Variants in CHLSN observed in about 807,000 individuals in gnomAD.
CHLSN encodes protein cholesin.
the CHLSN span, among the ~76,000 whole-genome samples, chr7:1,069,055 G>A: frequency 3.3e-5 from 5 of 152,152 alleles, no homozygotes; most frequent in East Asian, 1.9e-4. Flanking sequence ...CGTTTAGGCC[G>A]GGCGCGGTGG....
At chr7:1,112,716 A>G in the CHLSN span, among the ~76,000 whole-genome samples, 1 of 151,962 alleles carries the variant, frequency 6.6e-6, no homozygotes, top group Non-Finnish European at 1.5e-5. Flanking sequence ...AAAAAAAAAA[A>G]AAAAAAAGAA....
chr7:996,107 G>C, the CHLSN span, among the ~76,000 whole-genome samples: 5 of 152,358 alleles, frequency 3.3e-5, no homozygotes, highest in South Asian at 1.0e-3. Flanking sequence ...AGACGTCCGT[G>C]GGTCACAGTG....
chr7:1,134,322 C>T, the CHLSN span, among the ~76,000 whole-genome samples: 1 of 152,052 alleles, frequency 6.6e-6, no homozygotes, highest in Non-Finnish European at 1.5e-5. Context: ...ACCTGTAATA[C>T]CAGCACTTTG....
chr7:1,092,296 C>T, the CHLSN span: 2 of 1,611,910 alleles, frequency 1.2e-6, no homozygotes, highest in East Asian at 2.2e-5. Context: ...GTCAGCCACG[C>T]TGGTGCCCTT....
At chr7:1,098,321 C>T in the CHLSN span, among the ~76,000 whole-genome samples, 1 of 152,344 alleles carries the variant, frequency 6.6e-6, no homozygotes, top group South Asian at 2.1e-4. Flanking sequence ...AGCATTTGTT[C>T]GTGAATGTCC....
chr7:1,016,791 A>AGCAGCAC, the CHLSN span, among the ~76,000 whole-genome samples: 1 of 70,536 alleles, frequency 1.4e-5, no homozygotes, highest in Admixed American at 1.4e-4. Context: ...CACAGCACAC[A>AGCAGCAC]GCAGCACACA....
chr7:1,135,488 C>T, the CHLSN span, among the ~76,000 whole-genome samples: 73 of 151,810 alleles, frequency 4.8e-4, no homozygotes, highest in Middle Eastern at 3.4e-3. Context: ...TGTGTATGGC[C>T]GGGCACGGTG....
chr7:1,070,639 G>A, the CHLSN span, among the ~76,000 whole-genome samples: 1 of 139,544 alleles, frequency 7.2e-6, no homozygotes, highest in Non-Finnish European at 1.5e-5. Context: ...ACACGCACAC[G>A]GACACACATG....
chr7:1,018,389 C>T, the CHLSN span, among the ~76,000 whole-genome samples: 3 of 152,238 alleles, frequency 2.0e-5, no homozygotes, highest in Non-Finnish European at 4.4e-5. Context: ...TCAAAGTCCG[C>T]CTGGCTCCGG....
At chr7:1,057,598 T>G in the CHLSN span, 1 of 770,848 alleles carries the variant, frequency 1.3e-6, no homozygotes, top group Admixed American at 1.7e-5. Flanking sequence ...GGGCTGTCAC[T>G]GTTGTCGCTG....
chr7:993,755 C>G, the CHLSN span, among the ~76,000 whole-genome samples: 12 of 152,102 alleles, frequency 7.9e-5, no homozygotes, highest in Admixed American at 5.2e-4. Context: ...CCAGCCTGGA[C>G]GACAGAGCGG....
the CHLSN span, among the ~76,000 whole-genome samples, chr7:1,052,874 C>T: frequency 2.0e-5 from 3 of 152,232 alleles, no homozygotes; most frequent in East Asian, 5.8e-4. The surrounding 1 kb of genome is among the most constrained non-coding windows in gnomAD (Gnocchi z 4.2). Context: ...CTGAGGGAGC[C>T]TCCAGAATCT....
chr7:1,071,166 G>T, the CHLSN span, among the ~76,000 whole-genome samples: 1 of 152,230 alleles, frequency 6.6e-6, no homozygotes, highest in Non-Finnish European at 1.5e-5. Context: ...TTCAAGCAAA[G>T]CCACACTGAC....
the CHLSN span, chr7:984,875 A>G: frequency 3.3e-6 from 5 of 1,508,056 alleles, no homozygotes; most frequent in Non-Finnish European, 4.4e-6. Context: ...CAGCCTGCTC[A>G]CTTCCTGCCC....
At chr7:1,066,212 A>C in the CHLSN span, among the ~76,000 whole-genome samples, 1 of 152,166 alleles carries the variant, frequency 6.6e-6, no homozygotes, top group Non-Finnish European at 1.5e-5. Flanking sequence ...CCTCCCCCAG[A>C]ATTTCCCCAG....
chr7:1,016,760 A>AGC, the CHLSN span, among the ~76,000 whole-genome samples: 3 of 93,554 alleles, frequency 3.2e-5, no homozygotes, highest in African/African-American at 1.3e-4. Context: ...AGCACACGCC[A>AGC]GCGCACAGCG....
At chr7:986,931 C>A in the CHLSN span, 4 of 1,316,014 alleles carry the variant, frequency 3.0e-6, no homozygotes, top group Non-Finnish European at 4.0e-6. Context: ...CCTCTCAGAG[C>A]CTCAGTCTCC....
At chr7:1,007,256 C>T in the CHLSN span, among the ~76,000 whole-genome samples, 1 of 152,226 alleles carries the variant, frequency 6.6e-6, no homozygotes, top group African/African-American at 2.4e-5. Flanking sequence ...CGTGGAAAGC[C>T]CATAAGATGG....
At chr7:1,065,183 C>G in the CHLSN span, among the ~76,000 whole-genome samples, 1 of 152,186 alleles carries the variant, frequency 6.6e-6, no homozygotes, top group Non-Finnish European at 1.5e-5. Context: ...GCTTCCTGCC[C>G]AGCTCCAGCC....
Sources: gnomAD v4.1 joint callset for allele counts (sites outside exome capture counted in the v4.1 genomes callset) on GRCh38, gnomAD v4.1.1 for gene constraint, Gnocchi (gnomAD v3.1) non-coding constraint, MANE v1.5 for transcripts, NCBI Gene and HGNC (gene_info 2026-07-23, HGNC 2026-07-21) for gene names.